Variants in GARIN1A observed in about 807,000 individuals in gnomAD.
GARIN1A encodes the protein Golgi-associated RAB2 interactor protein 1A.
At chr7:128,672,305 G>T in the GARIN1A span, 1 of 1,072,080 alleles carries the variant, frequency 9.3e-7, no homozygotes, top group Non-Finnish European at 1.3e-6. Context: ...AAATGCTGGG[G>T]AGGTGGGGGC....
At chr7:128,677,908 T>TA in the GARIN1A span, 1 of 1,079,768 alleles carries the variant, frequency 9.3e-7, no homozygotes, top group Non-Finnish European at 1.3e-6. Context: ...TTTCCATGTC[T>TA]TTTAAAAGCT....
chr7:128,687,959 C>T, the GARIN1A span: 23,193 of 152,024 alleles, frequency 0.15, 2,102 homozygotes, highest in African/African-American at 0.25. Context: ...AGTATTGTTA[C>T]GCCTTGACAT....
the GARIN1A span, among the ~76,000 whole-genome samples, chr7:128,680,342 C>T: frequency 2.0e-5 from 3 of 152,204 alleles, no homozygotes; most frequent in African/African-American, 7.2e-5. Flanking sequence ...ATATTCACTT[C>T]TTAGGCAAAC....
the GARIN1A span, among the ~76,000 whole-genome samples, chr7:128,698,663 G>A: frequency 1.3e-5 from 2 of 152,132 alleles, no homozygotes; most frequent in African/African-American, 2.4e-5. Context: ...GCAGTGGCCC[G>A]ATCTTGGCTC....
At chr7:128,704,831 G>A in the GARIN1A span, among the ~76,000 whole-genome samples, 1 of 152,178 alleles carries the variant, frequency 6.6e-6, no homozygotes, top group Admixed American at 6.5e-5. Flanking sequence ...GCAGCAGCCT[G>A]GGGGCTGGGG....
At chr7:128,672,247 G>T in the GARIN1A span, 2 of 579,528 alleles carry the variant, frequency 3.5e-6, no homozygotes, top group Non-Finnish European at 6.0e-6. Flanking sequence ...ATTGTGAGCT[G>T]ACAGGCCCTC....
the GARIN1A span, among the ~76,000 whole-genome samples, chr7:128,708,179 A>ATTTTTTTTTTTTTTT: frequency 7.7e-6 from 1 of 129,592 alleles, no homozygotes. Flanking sequence ...CACCTGGACA[A>ATTTTTTTTTTTTTTT]TTTTTTTTTT....
the GARIN1A span, chr7:128,677,718 C>T: frequency 6.2e-7 from 1 of 1,613,840 alleles, no homozygotes; most frequent in Non-Finnish European, 8.5e-7. Context: ...GGTGAAAATT[C>T]TGCAGAAAGG....
chr7:128,677,789 G>A, the GARIN1A span: 1 of 1,613,598 alleles, frequency 6.2e-7, no homozygotes, highest in Non-Finnish European at 8.5e-7. Flanking sequence ...TGCCCAAGAT[G>A]CCCACCAACT....
At chr7:128,693,521 G>T in the GARIN1A span, 1 of 185,262 alleles carries the variant, frequency 5.4e-6, no homozygotes, top group East Asian at 1.4e-4. Context: ...GGGAGGTCAC[G>T]GACCACAGCC....
At chr7:128,698,883 G>A in the GARIN1A span, among the ~76,000 whole-genome samples, 9 of 152,266 alleles carry the variant, frequency 5.9e-5, no homozygotes, top group African/African-American at 1.7e-4. Flanking sequence ...CACCGCGCCC[G>A]GCCAATGCCC....
chr7:128,704,882 G>T, the GARIN1A span, among the ~76,000 whole-genome samples: 3 of 152,286 alleles, frequency 2.0e-5, no homozygotes, highest in East Asian at 1.9e-4. Flanking sequence ...TACACAATAT[G>T]GGTTAGCAAT....
the GARIN1A span, among the ~76,000 whole-genome samples, chr7:128,705,240 A>G: frequency 6.6e-6 from 1 of 152,186 alleles, no homozygotes; most frequent in South Asian, 2.1e-4. Flanking sequence ...TGTTGTCAGT[A>G]TGATCCTTCC....
the GARIN1A span, among the ~76,000 whole-genome samples, chr7:128,694,135 C>G: frequency 2.0e-5 from 3 of 152,178 alleles, no homozygotes; most frequent in Admixed American, 1.3e-4. Flanking sequence ...AGTACTTGGA[C>G]TACTGATTAT....
the GARIN1A span, chr7:128,677,766 A>G: frequency 1.9e-6 from 3 of 1,613,614 alleles, no homozygotes; most frequent in Non-Finnish European, 2.5e-6. Flanking sequence ...AATCAAATTC[A>G]CTCACTGCCT....
the GARIN1A span, chr7:128,678,070 G>C: frequency 4.0e-6 from 1 of 247,812 alleles, no homozygotes. Context: ...ACCCAGGCTG[G>C]AGTGCAATGG....
chr7:128,692,644 C>T, the GARIN1A span, among the ~76,000 whole-genome samples: 3 of 152,146 alleles, frequency 2.0e-5, no homozygotes, highest in African/African-American at 7.2e-5. Flanking sequence ...AGGAATAACA[C>T]CCAAATGGAC....
the GARIN1A span, among the ~76,000 whole-genome samples, chr7:128,704,308 CT>C: frequency 0.18 from 24,234 of 137,002 alleles, 2,230 homozygotes; most frequent in South Asian, 0.26. Flanking sequence ...TTAGAGTAAC[CT>C]TTTTTTTTTT....
At chr7:128,683,014 C>G in the GARIN1A span, 2 of 1,610,206 alleles carry the variant, frequency 1.2e-6, no homozygotes, top group East Asian at 4.5e-5. Flanking sequence ...TACAAGATAC[C>G]CTCTCCAGTG....
Sources: gnomAD v4.1 joint callset for allele counts (sites outside exome capture counted in the v4.1 genomes callset) on GRCh38, gnomAD v4.1.1 for gene constraint, MANE v1.5 for transcripts, NCBI Gene and HGNC (gene_info 2026-07-23, HGNC 2026-07-21) for gene names.